TRABD2A: variants seen among roughly 807,000 people sequenced by gnomAD.
The protein encoded by TRABD2A is TraB domain containing 2A, also known as metalloprotease TIKI1.
In TRABD2A, 43 loss-of-function variants were observed where a neutral mutation model predicts 45.6. The observed-to-expected ratio is 0.94, with a 90% CI of 0.74 to 1.22. The LOEUF is 1.22. Among genes scored for constraint, TRABD2A ranks in the 50% most tolerant of loss-of-function variants. The probability of loss-of-function intolerance (pLI) is 0.00; values close to 1 mark genes in which losing one functional copy is unlikely to be tolerated. For synonymous variants in TRABD2A, 269 were observed against 265.0 expected (o/e 1.02, Z -0.15); for missense variants, 642 against 652.4 (o/e 0.98, Z 0.17).
At chr2:84,862,251 C>T (rs115978472) in intron 2 of TRABD2A, among the ~76,000 whole-genome samples, 274 of 152,348 alleles carry the variant, frequency 1.8e-3, no homozygotes, top group African/African-American at 6.1e-3. Flanking sequence ...ACTACCCCTA[C>T]CTGGCAGGGG....
chr2:84,847,142 G>A (rs544089033), intron 2 of TRABD2A, among the ~76,000 whole-genome samples: 1 of 152,172 alleles, frequency 6.6e-6, no homozygotes, highest in Non-Finnish European at 1.5e-5. Flanking sequence ...TCCAGGGCAG[G>A]GCGGTGCTCC....
At chr2:84,823,905 C>T (rs779170699) in intron 6 of TRABD2A, 48 bp downstream of exon 6, 9 of 1,603,542 alleles carry the variant, frequency 5.6e-6, no homozygotes, top group Admixed American at 3.4e-5. Context: ...TGGGTCCGCT[C>T]ACTAGGGTAA....
chr2:84,823,235 AAC>A (rs962715770), intron 6 of TRABD2A, among the ~76,000 whole-genome samples: 10 of 152,028 alleles, frequency 6.6e-5, no homozygotes, highest in South Asian at 2.1e-4. Flanking sequence ...ATGCACCACA[AAC>A]ACACACACCC....
chr2:84,837,643 A>G (rs1681562231), intron 4 of TRABD2A: 1 of 152,292 alleles, frequency 6.6e-6, no homozygotes, highest in Non-Finnish European at 1.5e-5. Flanking sequence ...CTAATGACTG[A>G]ACAGAGATTT....
intron 1 of TRABD2A, among the ~76,000 whole-genome samples, chr2:84,873,070 G>A (rs925678779): frequency 1.4e-5 from 2 of 144,256 alleles, no homozygotes; most frequent in African/African-American, 2.7e-5. Context: ...AGCAGAGATA[G>A]CGCCACTGCA....
At chr2:84,878,331 C>G (rs557713068) in intron 1 of TRABD2A, among the ~76,000 whole-genome samples, 1 of 152,168 alleles carries the variant, frequency 6.6e-6, no homozygotes, top group East Asian at 1.9e-4. Context: ...TCGAGACCAG[C>G]CTGCTCAAGA....
chr2:84,821,973 T>G lies in TRABD2A; in HGVS notation c.1462A>C (p.Thr488Pro), dbSNP rs1681013126. 6.2e-7 allele frequency: 1 copy of G among 1,604,940 alleles called. No homozygotes were observed. The highest frequency in any genetic ancestry group is 1.3e-5 in the African/African-American group (1 of 74,662). The change falls in exon 7 of 7, where the codon ACT (threonine) becomes CCT (proline). Residue 488 changes from threonine to proline, a missense_variant. Physicochemically the swap from Thr to Pro is conservative, Grantham distance 38. Coordinates refer to ENST00000409520, the MANE Select transcript of TRABD2A (RefSeq NM_001277053.2). ...AGCACCAGCACCCAGAACACAGGAG[T>G]CCAGAGAGACAGGCAGGCACTGCTG... is the stretch of plus-strand genomic sequence containing the variant. ...VASSACLSLW[T>P]PVFWVLVLAF... is the part of the protein sequence containing the mutation.
chr2:84,825,954 C>G (rs72926820), intron 5 of TRABD2A, among the ~76,000 whole-genome samples: 19 of 152,200 alleles, frequency 1.2e-4, no homozygotes, highest in Admixed American at 5.2e-4. Flanking sequence ...ACCATCCCCC[C>G]CTCCCCGATC....
At position 84,821,924 on chromosome 2, in the gene TRABD2A, A is replaced by T; in HGVS notation, c.1511T>A (p.Leu504His). Reference sequence around the variant, plus strand: ...GCCTGGTGCTTCCAGTCGTTACAGGAGGGGTGTCTCTGTTTGGAAAGCCAG... The same window carrying T: ...GCCTGGTGCTTCCAGTCGTTACAGGTGGGGTGTCTCTGTTTGGAAAGCCAG... ...LVLAFQTETP[L>H]L is the part of the protein sequence containing the mutation. Residue 504 changes from leucine to histidine, a missense_variant, in exon 7 of 7, where the codon CTC becomes CAC. Physicochemically the swap from Leu to His is moderately conservative, Grantham distance 99. Transcript: ENST00000409520. 5.0e-6 allele frequency: 8 copies of T among 1,599,026 alleles called. No individual in the cohort carries two copies. The highest frequency in any genetic ancestry group is 6.8e-6 in the Non-Finnish European group (8 of 1,172,370).
At chr2:84,847,366 G>A (rs543492077) in intron 2 of TRABD2A, among the ~76,000 whole-genome samples, 1 of 152,186 alleles carries the variant, frequency 6.6e-6, no homozygotes, top group Non-Finnish European at 1.5e-5. Flanking sequence ...CAAATTTGGG[G>A]TTTCAGGATG....
chr2:84,821,851 TG>T lies in TRABD2A; in HGVS notation c.*65del, dbSNP rs1681008381. 15 of 1,430,122 alleles carry T rather than the reference TG, an allele frequency of 1.0e-5. No homozygotes were observed. In the South Asian group the frequency reaches 2.2e-4, roughly 21 times the overall value. The allele number at this position is 1,430,122 out of a possible 1,614,324, so 88.6% of individuals were successfully genotyped here. A position where few individuals can be genotyped will look rare whatever the true frequency, so the allele number is the denominator to read the frequency against. On this transcript the variant is annotated 3_prime_UTR_variant, in exon 7 of 7. Transcript: ENST00000409520. The stretch of plus-strand genomic sequence containing the variant: ...GGCCCAACAAGGCTAGACCAGAATG[TG>T]GAGTACAGGAATGGCCATTCTTCAA...
intron 4 of TRABD2A, chr2:84,835,888 G>A (rs1681492316): frequency 6.6e-6 from 1 of 152,090 alleles, no homozygotes; most frequent in South Asian, 2.1e-4. Context: ...CTTCCCAAAG[G>A]CCCCACCTCT....
rs1483716835 is a variant in TRABD2A at position 84,839,180 on chromosome 2, A to G, written c.960T>C (p.Pro320=). ...CAAAGGCAAAGAAGAAGCCTTTGTC[A>G]GGGAACTCCTCCAAAAGGGCCTTCA... is the stretch of plus-strand genomic sequence containing the variant. ...KRVKALLEEF[P]DKGFFFAFGA... is the part of the protein sequence containing the mutation. Residue 320 remains proline, a synonymous_variant, in exon 4 of 7, where the codon CCT becomes CCC. Coordinates refer to ENST00000409520, the MANE Select transcript of TRABD2A (RefSeq NM_001277053.2). 4 of 1,613,864 alleles carry G rather than the reference A, an allele frequency of 2.5e-6. No homozygotes were observed. In the African/African-American group the frequency reaches 4.0e-5, roughly 16 times the overall value.
At chr2:84,860,173 T>G (rs748203418) in intron 2 of TRABD2A, among the ~76,000 whole-genome samples, 1 of 152,138 alleles carries the variant, frequency 6.6e-6, no homozygotes, top group Non-Finnish European at 1.5e-5. Context: ...AAAATCTCCT[T>G]CCTGTCAAAG....
chr2:84,840,655 T>A (rs182788562), intron 3 of TRABD2A, among the ~76,000 whole-genome samples: 2 of 152,362 alleles, frequency 1.3e-5, no homozygotes, highest in Admixed American at 1.3e-4. Flanking sequence ...ATTAACTTTT[T>A]TCTGCTGCTT....
At chr2:84,870,917 G>A (rs778304604) in intron 1 of TRABD2A, 132 bp from the exon 2 acceptor site, 92 of 921,670 alleles carry the variant, frequency 1.0e-4, no homozygotes, top group Non-Finnish European at 1.4e-4. Context: ...TTGAGTCCGT[G>A]TAGATTCACC....
At chr2:84,825,639 GC>G (rs995668022) in intron 5 of TRABD2A, among the ~76,000 whole-genome samples, 129 of 152,254 alleles carry the variant, frequency 8.5e-4, no homozygotes, top group African/African-American at 3.0e-3. Flanking sequence ...AAGGGAATGT[GC>G]CCCCATCATG....
chr2:84,860,952 C>A (rs1255945233), intron 2 of TRABD2A, among the ~76,000 whole-genome samples: 1 of 152,196 alleles, frequency 6.6e-6, no homozygotes, highest in Non-Finnish European at 1.5e-5. Context: ...TTGACAGGAT[C>A]TTGAAAGTCT....
At chr2:84,838,712 G>A (rs1316005952) in intron 4 of TRABD2A, among the ~76,000 whole-genome samples, 1 of 152,164 alleles carries the variant, frequency 6.6e-6, no homozygotes, top group Non-Finnish European at 1.5e-5. Context: ...GTCCTATTCT[G>A]TCTCCATGTG....
Sources: allele counts gnomAD v4.1 joint callset (sites outside exome capture counted in the v4.1 genomes callset), GRCh38; gene constraint gnomAD v4.1.1; transcripts MANE v1.5; gene names NCBI Gene and HGNC (gene_info 2026-07-23, HGNC 2026-07-21).